The following KIAA0586 variants were observed in gnomAD, a reference collection of about 807,000 sequenced individuals.
The protein encoded by KIAA0586 is KIAA0586.
A neutral mutation model predicts 169.8 loss-of-function variants in KIAA0586; 144 were observed. The observed-to-expected ratio is 0.85, with a 90% CI of 0.74 to 0.97. The LOEUF is 0.97. KIAA0586 is among the 50% of genes least tolerant of loss of function. The pLI is 0.00. For synonymous variants in KIAA0586, 625 were observed against 612.4 expected (o/e 1.02, Z -0.30); for missense variants, 1,854 against 1,823.0 (o/e 1.02, Z -0.31).
At chr14:58,446,123 G>A (rs1013603365) in intron 6 of KIAA0586, among the ~76,000 whole-genome samples, 10 of 151,826 alleles carry the variant, frequency 6.6e-5, no homozygotes, top group African/African-American at 2.4e-4. Flanking sequence ...GCCTGCCTTG[G>A]CCTCCCAAAG....
In KIAA0586 at chr14:58,488,761, C is replaced by T. The variant is rs776003330; in HGVS notation, c.3668C>T (p.Ser1223Leu). Residue 1223 changes from serine to leucine, a missense_variant, in exon 24 of 31, where the codon TCA becomes TTA. Physicochemically the swap from Ser to Leu is moderately radical, Grantham distance 145 (BLOSUM62 -2). Coordinates refer to ENST00000652326, the MANE Select transcript of KIAA0586 (RefSeq NM_001329943.3). ...CCCTCACAGATGCCAGGTTCTGATTCATCAACACTGGAGAGCACATTGAGT... is the reference window on the plus strand; with the variant it reads ...CCCTCACAGATGCCAGGTTCTGATTTATCAACACTGGAGAGCACATTGAGT... ...PSPSQMPGSDSSTLESTLSVT... is the reference protein window; with the variant it reads ...PSPSQMPGSDLSTLESTLSVT... 6.2e-7 allele frequency: 1 copy of T among 1,613,776 alleles called. No homozygotes were observed.
At chr14:58,524,634 A>G (rs902601103) in intron 29 of KIAA0586, among the ~76,000 whole-genome samples, 1 of 152,210 alleles carries the variant, frequency 6.6e-6, no homozygotes, top group Non-Finnish European at 1.5e-5. Context: ...TAGCTCAGCT[A>G]TTTACCAGCT....
At chr14:58,447,878 G>A (rs1436720938) in intron 6 of KIAA0586, among the ~76,000 whole-genome samples, 1 of 152,142 alleles carries the variant, frequency 6.6e-6, no homozygotes, top group East Asian at 1.9e-4. Context: ...TGCTAAGCAT[G>A]GATGTTTATT....
At chr14:58,432,509 T>C in intron 4 of KIAA0586, 52 bp downstream of exon 4, 1 of 977,264 alleles carries the variant, frequency 1.0e-6, no homozygotes, top group Non-Finnish European at 1.6e-6. Context: ...TAAATCAGCT[T>C]CATTTGTACT....
chr14:58,444,553 A>C (rs1041091546), intron 6 of KIAA0586, among the ~76,000 whole-genome samples: 2 of 151,972 alleles, frequency 1.3e-5, no homozygotes. Context: ...CCTCCCATAT[A>C]GTTGGGATTA....
intron 30 of KIAA0586, among the ~76,000 whole-genome samples, chr14:58,545,707 A>G (rs917946072): frequency 7.9e-5 from 12 of 152,154 alleles, no homozygotes; most frequent in African/African-American, 2.9e-4. Context: ...TATATTATTA[A>G]TGCTTGTGTC....
rs541910730 is a variant in KIAA0586 at position 58,469,176 on chromosome 14, G to A, written c.2442+1254G>A. On this transcript the variant is annotated intron_variant, in intron 16 of 30. Coordinates refer to ENST00000652326, the MANE Select transcript of KIAA0586 (RefSeq NM_001329943.3). ...ACCCATGTAGCTCCACAAACACTTC[G>A]TTCTCATAGATTGACTTCCACCCTG... 4.6e-4 allele frequency among the ~76,000 whole-genome samples: 70 copies of A among 152,254 alleles called. No individual in the cohort carries two copies. In the South Asian group the frequency reaches 7.5e-3, roughly 16 times the overall value.
At chr14:58,535,947 T>C (rs2046257779) in intron 29 of KIAA0586, among the ~76,000 whole-genome samples, 1 of 152,146 alleles carries the variant, frequency 6.6e-6, no homozygotes, top group African/African-American at 2.4e-5. Flanking sequence ...AGAATTTGTT[T>C]AAAATAATAC....
In KIAA0586 at chr14:58,548,000, C is replaced by A; in HGVS notation, c.*68C>A. On this transcript the variant is annotated 3_prime_UTR_variant, in exon 31 of 31. Coordinates refer to ENST00000652326, the MANE Select transcript of KIAA0586 (RefSeq NM_001329943.3). ...AAAGTCATTTTACCTTGGCTTAAAA[C>A]CCTCTCTCAGACTGTTTGGTTTTTG... 6.4e-7 allele frequency: 1 copy of A among 1,573,662 alleles called. No individual in the cohort carries two copies. Among genetic ancestry groups the A allele is most frequent in the South Asian group, 1.1e-5 (1 of 87,030 alleles).
At chr14:58,554,397 G>T (rs551560394), downstream of KIAA0586, among the ~76,000 whole-genome samples, 3 of 152,192 alleles carry the variant, frequency 2.0e-5, no homozygotes, top group African/African-American at 7.2e-5. Context: ...TTCATATAAA[G>T]GTTTGAGTGA....
At chr14:58,556,181 A>G (rs867377879), downstream of KIAA0586, among the ~76,000 whole-genome samples, 25 of 152,338 alleles carry the variant, frequency 1.6e-4, 1 homozygote, top group African/African-American at 5.8e-4. Flanking sequence ...TAGTGTTTAC[A>G]ATTTCTTCTT....
At chr14:58,443,173 T>C (rs1242646561) in intron 5 of KIAA0586, among the ~76,000 whole-genome samples, 1 of 152,308 alleles carries the variant, frequency 6.6e-6, no homozygotes, top group East Asian at 1.9e-4. Context: ...CGGTTATTCT[T>C]ATTTGAGAGC....
chr14:58,481,901 C>G (rs922767371), intron 20 of KIAA0586, among the ~76,000 whole-genome samples: 2 of 151,872 alleles, frequency 1.3e-5, no homozygotes, highest in African/African-American at 4.8e-5. Flanking sequence ...GCAAGCTCCA[C>G]CTCCTGGGTT....
At chr14:58,436,596 G>A (rs1299893598) in intron 4 of KIAA0586, among the ~76,000 whole-genome samples, 1 of 152,032 alleles carries the variant, frequency 6.6e-6, no homozygotes, top group African/African-American at 2.4e-5. Context: ...AATTGGAAAT[G>A]TAATTCTAAC....
intron 20 of KIAA0586, among the ~76,000 whole-genome samples, chr14:58,479,296 G>T (rs995362692): frequency 6.6e-6 from 1 of 152,164 alleles, no homozygotes; most frequent in Admixed American, 6.5e-5. Context: ...ACTTTTTAAT[G>T]TGTTTATTTG....
chr14:58,555,929 T>A (rs1369191174), downstream of KIAA0586, among the ~76,000 whole-genome samples: 2 of 151,482 alleles, frequency 1.3e-5, no homozygotes, highest in Non-Finnish European at 3.0e-5. Flanking sequence ...TGTTTAGCAT[T>A]TGAGCTAGCA....
the KIAA0586 span, among the ~76,000 whole-genome samples, chr14:58,556,583 C>T: frequency 1.3e-5 from 2 of 152,146 alleles, no homozygotes; most frequent in Non-Finnish European, 2.9e-5. Flanking sequence ...CACCCCTCTT[C>T]CCCCAGAAGT....
At chr14:58,531,526 A>T (rs1377341557) in intron 29 of KIAA0586, among the ~76,000 whole-genome samples, 1 of 152,152 alleles carries the variant, frequency 6.6e-6, no homozygotes, top group Non-Finnish European at 1.5e-5. Context: ...ATCATTAGAA[A>T]GTCAGGAAAC....
intron 30 of KIAA0586, among the ~76,000 whole-genome samples, chr14:58,547,155 T>C: frequency 6.9e-6 from 1 of 144,640 alleles, no homozygotes; most frequent in East Asian, 2.0e-4. Context: ...TTACCTCTTT[T>C]AAAAAAAAAA....
Sources: allele counts gnomAD v4.1 joint callset (sites outside exome capture counted in the v4.1 genomes callset), GRCh38; gene constraint gnomAD v4.1.1; transcripts MANE v1.5; gene names NCBI Gene and HGNC (gene_info 2026-07-23, HGNC 2026-07-21).